AAMDC: variants seen among roughly 807,000 people sequenced by gnomAD.
The protein encoded by AAMDC is adipogenesis associated Mth938 domain containing.
AAMDC carries 16 observed loss-of-function variants against 15.5 expected under a neutral mutation model. The observed-to-expected ratio is 1.03, with a 90% CI of 0.70 to 1.57. The LOEUF (loss-of-function observed/expected upper bound fraction) is 1.57, where lower values mean the gene tolerates loss of function less well. AAMDC is among the 40% of genes most tolerant of loss of function. AAMDC has a pLI of 0.00. For missense variants in AAMDC, 141 were observed against 144.9 expected, an observed-to-expected ratio of 0.97 and a Z score of 0.14; for synonymous variants, 51 against 51.6, an observed-to-expected ratio of 0.99 and a Z score of 0.05.
intron 1 of AAMDC, among the ~76,000 whole-genome samples, chr11:77,823,706 A>G (rs1237293680): frequency 6.6e-6 from 1 of 151,946 alleles, no homozygotes; most frequent in Admixed American, 6.6e-5. Flanking sequence ...AGACTTTCAT[A>G]TACTGGTTAC....
At chr11:77,827,184 C>A (rs1949219338) in intron 1 of AAMDC, among the ~76,000 whole-genome samples, 1 of 152,028 alleles carries the variant, frequency 6.6e-6, no homozygotes, top group Non-Finnish European at 1.5e-5. Flanking sequence ...AGCTCAGATT[C>A]AGATGGCTTC....
intron 2 of AAMDC, among the ~76,000 whole-genome samples, chr11:77,862,368 TA>T (rs1950919127): frequency 6.6e-6 from 1 of 152,228 alleles, no homozygotes; most frequent in African/African-American, 2.4e-5. Flanking sequence ...CTAACCCTTG[TA>T]AAACATCAAT....
Position 77,892,325 on chromosome 11 carries a change from C to T in AAMDC, c.329-8246C>T, listed in dbSNP as rs534874734. ...CACTGAGGCTCAGAAAAGTTAAGTA[C>T]GTTACTCCTGGCTCAGACTGATCCA... On this transcript the variant is annotated intron_variant, in intron 5 of 5. Coordinates refer to the AAMDC transcript ENST00000304716. Among the ~76,000 whole-genome samples, 7 of 152,236 alleles carry T rather than the reference C, an allele frequency of 4.6e-5. No individual in the cohort carries two copies. In the East Asian group the frequency reaches 1.4e-3, roughly 29 times the overall value.
rs1047594086 is a variant in AAMDC at position 77,869,214 on chromosome 11, G to C, written c.133-508G>C. ...TTGTCATTTTGGCAAATTACTGGAAGATGGTTGTTCCAGCCAAAAGGTCCT... is the reference window on the plus strand; with the variant it reads ...TTGTCATTTTGGCAAATTACTGGAACATGGTTGTTCCAGCCAAAAGGTCCT... On this transcript the variant is annotated intron_variant, in intron 2 of 3. Transcript: ENST00000393427. 5.5e-5 allele frequency: 11 copies of C among 200,220 alleles called. No individual in the cohort carries two copies. The East Asian group carries it at 1.4e-3, about 25-fold the overall frequency. 12.4% of individuals were successfully genotyped at this position (200,220 alleles called of 1,614,324 possible).
chr11:77,885,205 G>A (rs1951952581), intron 5 of AAMDC, among the ~76,000 whole-genome samples: 1 of 152,080 alleles, frequency 6.6e-6, no homozygotes, highest in Non-Finnish European at 1.5e-5. Flanking sequence ...AGCCTCCCAA[G>A]TAGCTGGGAT....
At chr11:77,850,167 A>C (rs1223727243) in intron 2 of AAMDC, among the ~76,000 whole-genome samples, 1 of 152,212 alleles carries the variant, frequency 6.6e-6, no homozygotes, top group Non-Finnish European at 1.5e-5. Flanking sequence ...CTTTTTCATT[A>C]GTTTAAAAAA....
chr11:77,827,086 CAG>C (rs1320624272), intron 1 of AAMDC, among the ~76,000 whole-genome samples: 3 of 148,222 alleles, frequency 2.0e-5, no homozygotes, highest in Non-Finnish European at 4.4e-5. Context: ...GCCTGGGTGA[CAG>C]AGCGAAACTC....
chr11:77,834,441 GTTTTT>G (rs11438814), intron 1 of AAMDC, among the ~76,000 whole-genome samples: 1 of 105,546 alleles, frequency 9.5e-6, no homozygotes, highest in South Asian at 3.3e-4. Flanking sequence ...AGTTGATTTT[GTTTTT>G]TTTTTTTTTT....
downstream of AAMDC, chr11:77,877,112 C>T (rs992224602): frequency 2.9e-6 from 2 of 690,016 alleles, no homozygotes; most frequent in Non-Finnish European, 5.3e-6. Context: ...CCCTCTTTCG[C>T]ACTCATGACC....
At chr11:77,864,619 A>G (rs924799881) in intron 2 of AAMDC, among the ~76,000 whole-genome samples, 45 of 152,316 alleles carry the variant, frequency 3.0e-4, no homozygotes, top group Admixed American at 1.4e-3. Context: ...TGAAATTGAC[A>G]TAGAAGGAAT....
intron 2 of AAMDC, among the ~76,000 whole-genome samples, chr11:77,847,520 AT>A (rs1950194799): frequency 6.6e-6 from 1 of 152,232 alleles, no homozygotes; most frequent in African/African-American, 2.4e-5. Flanking sequence ...TGGATGGAAT[AT>A]ACCTAGATTG....
At chr11:77,847,881 G>C (rs184462219) in intron 2 of AAMDC, among the ~76,000 whole-genome samples, 1 of 152,082 alleles carries the variant, frequency 6.6e-6, no homozygotes, top group Non-Finnish European at 1.5e-5. Context: ...TAAAAACCCC[G>C]GGAGCTGAAG....
In AAMDC at chr11:77,821,155, G is replaced by T. The variant is rs1014372832; in HGVS notation, c.-105G>T. The T allele has an allele frequency of 5.1e-6, 2 of 390,594 alleles. No individual in the cohort carries two copies. Among genetic ancestry groups the T allele is most frequent in the South Asian group, 1.6e-4 (2 of 12,270 alleles). The allele number at this position is 390,594 out of a possible 1,614,324, so 24.2% of individuals were successfully genotyped here. A position where few individuals can be genotyped will look rare whatever the true frequency, so the allele number is the denominator to read the frequency against. On this transcript the variant is annotated 5_prime_UTR_variant, in exon 1 of 4. Transcript: ENST00000393427. ...TATTCCCGGAGGGCAGTTGGGGAGC[G>T]CAGATCCCGAAGCAGCGCTGGGAGC...
chr11:77,886,766 G>A (rs989036519), intron 5 of AAMDC, among the ~76,000 whole-genome samples: 1 of 152,054 alleles, frequency 6.6e-6, no homozygotes, highest in Admixed American at 6.6e-5. Context: ...AGGGGGCGGG[G>A]CAGGGTCCGC....
chr11:77,845,341 T>C (rs1208245707), intron 2 of AAMDC, among the ~76,000 whole-genome samples: 1 of 152,136 alleles, frequency 6.6e-6, no homozygotes, highest in African/African-American at 2.4e-5. Flanking sequence ...CTATTTTCAA[T>C]TTTGTTGATT....
intron 3 of AAMDC, among the ~76,000 whole-genome samples, chr11:77,870,674 T>G (rs1378149830): frequency 6.6e-6 from 1 of 152,052 alleles, no homozygotes; most frequent in Non-Finnish European, 1.5e-5. Flanking sequence ...TATATGCTCA[T>G]TGTAAAAGAT....
At chr11:77,891,292 C>T in intron 5 of AAMDC, 2 of 1,605,324 alleles carry the variant, frequency 1.2e-6, no homozygotes, top group Non-Finnish European at 1.7e-6. Context: ...AGTCTAGAAG[C>T]TCCATGAGGA....
chr11:77,827,995 C>T (rs935800620), intron 1 of AAMDC, among the ~76,000 whole-genome samples: 4 of 152,096 alleles, frequency 2.6e-5, no homozygotes, highest in African/African-American at 9.7e-5. Flanking sequence ...GAAATCAGAC[C>T]AGGCACAGTG....
intron 5 of AAMDC, among the ~76,000 whole-genome samples, chr11:77,881,045 A>G (rs537856230): frequency 6.6e-6 from 1 of 152,348 alleles, no homozygotes; most frequent in South Asian, 2.1e-4. Context: ...AACATTTGAT[A>G]AGAATGGCAA....
Sources: allele counts gnomAD v4.1 joint callset (sites outside exome capture counted in the v4.1 genomes callset), GRCh38; gene constraint gnomAD v4.1.1; transcripts MANE v1.5; gene names NCBI Gene and HGNC (gene_info 2026-07-23, HGNC 2026-07-21).